The following CMSS1 variants were observed in gnomAD, a reference collection of about 807,000 sequenced individuals.
CMSS1 encodes the protein cms1 ribosomal small subunit homolog, also known as protein CMSS1.
A neutral mutation model predicts 43.5 loss-of-function variants in CMSS1; 33 were observed. The ratio of observed to expected loss-of-function variants is 0.76; its 90% CI spans 0.57 to 1.01. CMSS1 has a LOEUF of 1.01. Ranked by LOEUF, CMSS1 falls within the 50% of genes least tolerant of loss-of-function variation. The pLI, the probability that CMSS1 is intolerant of heterozygous loss-of-function variation, is 0.00. For missense variants in CMSS1, 313 were observed against 326.4 expected (o/e 0.96, Z 0.32); for synonymous variants, 115 against 117.2 (o/e 0.98, Z 0.12).
At chr3:99,877,039 A>G (rs916160069) in intron 1 of CMSS1, among the ~76,000 whole-genome samples, 1 of 152,230 alleles carries the variant, frequency 6.6e-6, no homozygotes, top group African/African-American at 2.4e-5. Context: ...TGAATTAAGA[A>G]TATTATCCTC....
At chr3:100,124,358 G>A (rs2066646178) in intron 1 of CMSS1, among the ~76,000 whole-genome samples, 1 of 152,212 alleles carries the variant, frequency 6.6e-6, no homozygotes, top group South Asian at 2.1e-4. Context: ...AATTACATGT[G>A]AGAAGTCTAG....
intron 1 of CMSS1, among the ~76,000 whole-genome samples, chr3:99,921,902 G>T (rs745995190): frequency 6.6e-6 from 1 of 151,982 alleles, no homozygotes; most frequent in East Asian, 1.9e-4. Flanking sequence ...TCTCAGTGTT[G>T]TTCCTTCTTG....
At chr3:99,863,063 A>G (rs1944338967) in intron 1 of CMSS1, among the ~76,000 whole-genome samples, 1 of 152,096 alleles carries the variant, frequency 6.6e-6, no homozygotes, top group Non-Finnish European at 1.5e-5. Context: ...GCGGTCCCCA[A>G]CCTTTTTGGC....
At chr3:99,921,589 A>T (rs1277555723) in intron 1 of CMSS1, among the ~76,000 whole-genome samples, 4 of 152,214 alleles carry the variant, frequency 2.6e-5, no homozygotes, top group African/African-American at 4.8e-5. Context: ...GGCATATAGA[A>T]ATAGATGAAT....
Position 99,841,129 on chromosome 3 carries a change from GAA to G in CMSS1, c.64+23089_64+23090del, listed in dbSNP as rs1943111550. Among the ~76,000 whole-genome samples the G allele has an allele frequency of 2.6e-5, 4 of 152,320 alleles. No individual in the cohort carries two copies. The South Asian group carries it at 8.3e-4, about 32-fold the overall frequency. ...GATTGTGTACATGTGATGCTTTGAA[GAA>G]AACATATTGCATACTAAGACACTGC... On this transcript the variant is annotated intron_variant, in intron 1 of 9. Transcript: ENST00000421999.
chr3:99,830,378 G>A (rs1161722375), intron 1 of CMSS1: 5 of 377,806 alleles, frequency 1.3e-5, no homozygotes, highest in East Asian at 1.5e-4. Flanking sequence ...ACATATTTCT[G>A]TAGATGAATG....
intron 1 of CMSS1, among the ~76,000 whole-genome samples, chr3:99,983,422 A>ATATATATATG (rs1559713456): frequency 1.7e-4 from 15 of 86,926 alleles, no homozygotes; most frequent in Non-Finnish European, 3.0e-4. Context: ...ATATATATGT[A>ATATATATATG]TGTATGTATG....
At chr3:99,938,074 TGCGCGCGC>T (rs57534383) in intron 1 of CMSS1, among the ~76,000 whole-genome samples, 1 of 85,210 alleles carries the variant, frequency 1.2e-5, no homozygotes, top group African/African-American at 4.0e-5. Context: ...TGTGTGTGTG[TGCGCGCGC>T]GCGCGCGCGT....
At chr3:100,115,221 C>T (rs529896157) in intron 1 of CMSS1, among the ~76,000 whole-genome samples, 1 of 152,198 alleles carries the variant, frequency 6.6e-6, no homozygotes, top group Admixed American at 6.5e-5. Flanking sequence ...ACATGCCTAC[C>T]ACCTGCCCAG....
chr3:100,013,150 T>G (rs1710212254), intron 1 of CMSS1, among the ~76,000 whole-genome samples: 1 of 152,132 alleles, frequency 6.6e-6, no homozygotes, highest in Non-Finnish European at 1.5e-5. Flanking sequence ...GTGCTGGGAT[T>G]GTTGGCATGA....
intron 1 of CMSS1, among the ~76,000 whole-genome samples, chr3:99,828,964 A>T (rs1324045529): frequency 4.0e-5 from 6 of 150,986 alleles, no homozygotes; most frequent in Middle Eastern, 3.5e-3. Context: ...GCTGCCCATC[A>T]TCCCTTTCAA....
At chr3:100,012,602 C>T (rs1395092273) in intron 1 of CMSS1, among the ~76,000 whole-genome samples, 1 of 151,934 alleles carries the variant, frequency 6.6e-6, no homozygotes, top group Non-Finnish European at 1.5e-5. Context: ...TTCAGATTCC[C>T]CCACCGTGGG....
intron 1 of CMSS1, among the ~76,000 whole-genome samples, chr3:100,008,879 G>T (rs1296000409): frequency 6.6e-6 from 1 of 152,130 alleles, no homozygotes; most frequent in African/African-American, 2.4e-5. Context: ...GGGCATGGGT[G>T]GGATTAATTA....
chr3:99,997,607 T>C (rs1709721268), intron 1 of CMSS1, among the ~76,000 whole-genome samples: 1 of 152,168 alleles, frequency 6.6e-6, no homozygotes, highest in African/African-American at 2.4e-5. Flanking sequence ...GTGGGAAGGA[T>C]AGCAGAGAAA....
At chr3:99,986,238 C>T (rs1025219533) in intron 1 of CMSS1, among the ~76,000 whole-genome samples, 1 of 152,142 alleles carries the variant, frequency 6.6e-6, no homozygotes, top group Admixed American at 6.5e-5. Context: ...AGATGTTGCT[C>T]ATGCATCAAT....
intron 1 of CMSS1, among the ~76,000 whole-genome samples, chr3:100,015,225 G>T (rs1266892028): frequency 6.6e-6 from 1 of 151,800 alleles, no homozygotes; most frequent in African/African-American, 2.4e-5. Flanking sequence ...TAATTTCTGG[G>T]CTCTCTGTTA....
chr3:99,848,273 G>T (rs774720280), intron 1 of CMSS1: 1 of 1,611,892 alleles, frequency 6.2e-7, no homozygotes, highest in African/African-American at 1.3e-5. Flanking sequence ...GGTGAGCGTG[G>T]TCAGTTATAT....
At chr3:99,901,730 G>A (rs1706444344) in intron 1 of CMSS1, among the ~76,000 whole-genome samples, 1 of 152,262 alleles carries the variant, frequency 6.6e-6, no homozygotes, top group East Asian at 1.9e-4. Context: ...ACTCTGGACG[G>A]GATGTAAGTA....
intron 1 of CMSS1, among the ~76,000 whole-genome samples, chr3:99,945,340 C>T (rs530663421): frequency 1.1e-4 from 17 of 152,136 alleles, no homozygotes; most frequent in African/African-American, 3.9e-4. Context: ...AGCCTTGTTG[C>T]GTAGATCTGG....
Sources: allele counts gnomAD v4.1 joint callset (sites outside exome capture counted in the v4.1 genomes callset), GRCh38; gene constraint gnomAD v4.1.1; transcripts MANE v1.5; gene names NCBI Gene and HGNC (gene_info 2026-07-23, HGNC 2026-07-21).